The following ASXL2 variants were observed in gnomAD, a reference collection of about 807,000 sequenced individuals.
ASXL2 encodes putative Polycomb group protein ASXL2.
In ASXL2, 23 loss-of-function variants were observed where a neutral mutation model predicts 122.0. The ratio of observed to expected loss-of-function variants is 0.19; its 90% CI spans 0.14 to 0.27. The LOEUF (loss-of-function observed/expected upper bound fraction) is 0.27. Ranked by LOEUF, ASXL2 falls within the 10% of genes least tolerant of loss-of-function variation. ASXL2 has a pLI of 1.00. For synonymous variants in ASXL2, 650 were observed against 637.0 expected, an observed-to-expected ratio of 1.02 and a Z score of -0.31; for missense variants, 1,518 against 1,713.8, an observed-to-expected ratio of 0.89 and a Z score of 2.02.
At chr2:25,834,145 G>A (rs1041781912) in intron 3 of ASXL2, among the ~76,000 whole-genome samples, 6 of 152,266 alleles carry the variant, frequency 3.9e-5, no homozygotes, top group African/African-American at 1.4e-4. Flanking sequence ...TTGAGGTCAG[G>A]AAGTCAAGAC....
At chr2:25,770,488 C>T (rs974612959) in intron 6 of ASXL2, among the ~76,000 whole-genome samples, 4 of 152,224 alleles carry the variant, frequency 2.6e-5, no homozygotes, top group African/African-American at 4.8e-5. Flanking sequence ...GGTGCGGTGG[C>T]TCACGCCTGT....
At chr2:25,842,685 A>AGT (rs1200910744) in intron 2 of ASXL2, among the ~76,000 whole-genome samples, 35 of 136,182 alleles carry the variant, frequency 2.6e-4, no homozygotes, top group African/African-American at 2.9e-4. Flanking sequence ...TAATTCTTCA[A>AGT]GTGTGTGTAT....
chr2:25,793,036 T>C (rs1451662388), intron 5 of ASXL2, among the ~76,000 whole-genome samples: 2 of 151,846 alleles, frequency 1.3e-5, no homozygotes, highest in Admixed American at 6.6e-5. Flanking sequence ...GCAGATCACT[T>C]GAGGCCAGGA....
chr2:25,828,644 T>C (rs1352348540), intron 3 of ASXL2, among the ~76,000 whole-genome samples: 1 of 150,268 alleles, frequency 6.7e-6, no homozygotes, highest in Non-Finnish European at 1.5e-5. Flanking sequence ...GCTAACATAG[T>C]GAAACCCCAT....
At chr2:25,763,879 A>G (rs1217204136) in intron 8 of ASXL2, among the ~76,000 whole-genome samples, 1 of 152,164 alleles carries the variant, frequency 6.6e-6, no homozygotes, top group African/African-American at 2.4e-5. Flanking sequence ...TGTTCATCAC[A>G]ATGCCACACA....
At chr2:25,872,809 CA>C (rs751345217) in intron 1 of ASXL2, among the ~76,000 whole-genome samples, 4 of 152,106 alleles carry the variant, frequency 2.6e-5, no homozygotes, top group Non-Finnish European at 5.9e-5. Flanking sequence ...CTAAGTTCCA[CA>C]GAATAAATAG....
chr2:25,742,563 T>G lies in ASXL2; in HGVS notation c.3774A>C (p.Glu1258Asp). 1 of 1,613,980 alleles carries G rather than the reference T, an allele frequency of 6.2e-7. No homozygotes were observed. The highest frequency in any genetic ancestry group is 2.2e-5 in the East Asian group (1 of 44,872). Residue 1258 changes from glutamate (E) to aspartate (D), a missense_variant, in exon 13 of 13, where the codon GAA becomes GAC. By Grantham distance (45) the Glu-to-Asp change is conservative (BLOSUM62 2). Around this residue, in one of 8 missense-constraint regions of ASXL2, gnomAD observed 831 missense variants for 833.1 expected, o/e 1.00. Coordinates refer to ENST00000435504, the MANE Select transcript of ASXL2 (RefSeq NM_018263.6). ...GAATTAAATCTCTGGCTAGGGTCTT[T>G]TCATCAAATGTTTGGCCTCTAGTGA... ...YLFTRGQTFD[E>D]KTLARDLIQA...
chr2:25,803,782 G>A (rs893482605), intron 4 of ASXL2, among the ~76,000 whole-genome samples: 1 of 152,220 alleles, frequency 6.6e-6, no homozygotes, highest in African/African-American at 2.4e-5. Flanking sequence ...GCAGAACTCA[G>A]GCAGTCATGC....
In ASXL2 at chr2:25,742,759, A is replaced by C; in HGVS notation, c.3578T>G (p.Val1193Gly). The change falls in exon 13 of 13, where the codon GTC (valine) becomes GGC (glycine). Residue 1193 changes from valine (V) to glycine (G), a missense_variant. By Grantham distance (109) the Val-to-Gly change is moderately radical. Transcript: ENST00000435504. ...EESTGDEQES[V>G]TVKEEPQVSQ... is the part of the protein sequence containing the mutation. ...AACCTGGGGCTCCTCTTTCACTGTG[A>C]CAGATTCCTGCTCATCACCAGTACT... 2.5e-6 allele frequency: 4 copies of C among 1,613,896 alleles called. No homozygotes were observed. The highest frequency in any genetic ancestry group is 4.5e-5 in the East Asian group (2 of 44,868).
chr2:25,825,537 A>G (rs2089365777), intron 3 of ASXL2, among the ~76,000 whole-genome samples: 1 of 152,182 alleles, frequency 6.6e-6, no homozygotes, highest in Non-Finnish European at 1.5e-5. Flanking sequence ...GGAATCGTAC[A>G]GTATTTTTTA....
chr2:25,821,524 G>A (rs913413452), intron 3 of ASXL2, among the ~76,000 whole-genome samples: 1 of 152,146 alleles, frequency 6.6e-6, no homozygotes, highest in African/African-American at 2.4e-5. Flanking sequence ...AGCACTTTGG[G>A]AGGCCACAGC....
Position 25,743,326 on chromosome 2 carries a change from C to A in ASXL2, c.3011G>T (p.Arg1004Ile). 6.2e-7 allele frequency: 1 copy of A among 1,613,966 alleles called. No homozygotes were observed. Among genetic ancestry groups the A allele is most frequent in the Non-Finnish European group, 8.5e-7 (1 of 1,179,886 alleles). The change falls in exon 13 of 13, where the codon AGA becomes ATA. Residue 1004 changes from arginine to isoleucine, a missense_variant. By Grantham distance (97) the Arg-to-Ile change is moderately conservative. This residue lies in a region of ASXL2 where 831 missense variants were observed against 833.1 expected (regional missense o/e 1.00). Transcript: ENST00000435504. ...IATNTTENST[R>I]EEVNERQSHP... ...GGACTGTCTCTCATTAACTTCCTCTCTGGTGCTATTTTCTGTTGTGTTGGT... is the reference window on the plus strand; with the variant it reads ...GGACTGTCTCTCATTAACTTCCTCTATGGTGCTATTTTCTGTTGTGTTGGT...
In ASXL2 at chr2:25,819,881, C is replaced by G. The variant is rs191892479; in HGVS notation, c.144-13544G>C. Among the ~76,000 whole-genome samples the G allele has an allele frequency of 5.9e-5, 9 of 152,216 alleles. No homozygotes were observed. The East Asian group carries it at 1.7e-3, about 29-fold the overall frequency. ...TGTACTTGCCTTTAGAAAATATATT[C>G]TGAAGTTTGCTTGCTTGACTGACTT... On this transcript the variant is annotated intron_variant, in intron 3 of 12. Transcript: ENST00000435504.
At chr2:25,789,908 C>A in intron 5 of ASXL2, among the ~76,000 whole-genome samples, 1 of 151,986 alleles carries the variant, frequency 6.6e-6, no homozygotes, top group East Asian at 1.9e-4. Context: ...TGAGAAAGGA[C>A]CAGTAGCGAT....
At chr2:25,845,423 C>A in intron 2 of ASXL2, 58 bp downstream of exon 2, 1 of 1,333,872 alleles carries the variant, frequency 7.5e-7, no homozygotes. Context: ...CTATTATATA[C>A]TACCAAATAC....
At position 25,828,210 on chromosome 2, in the gene ASXL2, T is replaced by C. The variant is rs185908483; in HGVS notation, c.143+7328A>G. 6.6e-5 allele frequency among the ~76,000 whole-genome samples: 10 copies of C among 152,216 alleles called. No homozygotes were observed. The East Asian group carries it at 1.9e-3, about 29-fold the overall frequency. On this transcript the variant is annotated intron_variant, in intron 3 of 12. Transcript: ENST00000435504. ...AGAAATAAGAAACAGCTCATTAAGA[T>C]CCTTGTCCAGGCCAGCTGGGTGCGG...
Position 25,739,558 on chromosome 2 carries a change from T to A in ASXL2, c.*2471A>T, listed in dbSNP as rs1210999976. The A allele has an allele frequency of 5.2e-6, 1 of 192,708 alleles. No individual in the cohort carries two copies. Among genetic ancestry groups the A allele is most frequent in the African/African-American group, 2.3e-5 (1 of 43,046 alleles). The allele number at this position is 192,708 out of a possible 1,614,324, so 11.9% of individuals were successfully genotyped here. A position where few individuals can be genotyped will look rare whatever the true frequency, so the allele number is the denominator to read the frequency against. ...TAGTTGGCAATATCTGTTTTAGGAG[T>A]ATTCCTAAATGCAAATATTTAGCTG... On this transcript the variant is annotated 3_prime_UTR_variant, in exon 13 of 13. Transcript: ENST00000435504.
intron 5 of ASXL2, among the ~76,000 whole-genome samples, chr2:25,776,050 A>G (rs2088541325): frequency 6.6e-6 from 1 of 152,190 alleles, no homozygotes; most frequent in Non-Finnish European, 1.5e-5. Flanking sequence ...AATTAAATTT[A>G]TTTTGAAAAT....
chr2:25,872,485 A>G (rs540212151), intron 1 of ASXL2, among the ~76,000 whole-genome samples: 4 of 152,360 alleles, frequency 2.6e-5, no homozygotes, highest in Admixed American at 1.3e-4. Context: ...TTGTAAAGGT[A>G]TAAGTGAAAA....
Sources: allele counts gnomAD v4.1 joint callset (sites outside exome capture counted in the v4.1 genomes callset), GRCh38; gene constraint gnomAD v4.1.1; regional missense constraint gnomAD v4.1.1; transcripts MANE v1.5; gene names NCBI Gene and HGNC (gene_info 2026-07-23, HGNC 2026-07-21).